The following PRKN variants were observed in gnomAD, a reference collection of about 807,000 sequenced individuals.
PRKN encodes parkin RBR E3 ubiquitin protein ligase.
In PRKN, 56 loss-of-function variants were observed where a neutral mutation model predicts 59.5. That is an observed-to-expected ratio of 0.94 (90% CI 0.76 to 1.18). The LOEUF (loss-of-function observed/expected upper bound fraction) is 1.18. Among genes scored for constraint, PRKN ranks in the 50% most tolerant of loss-of-function variants. PRKN has a pLI of 0.00. For synonymous variants in PRKN, 250 were observed against 222.1 expected (o/e 1.13, Z -1.12); for missense variants, 657 against 596.4 (o/e 1.10, Z -1.06).
At chr6:161,911,477 ACTC>A (rs1778358653) in intron 6 of PRKN, among the ~76,000 whole-genome samples, 1 of 151,896 alleles carries the variant, frequency 6.6e-6, no homozygotes, top group Admixed American at 6.6e-5. Flanking sequence ...TTCTATCAGA[ACTC>A]CTGCAACTCG....
chr6:162,102,879 T>C (rs1780033312), intron 4 of PRKN, among the ~76,000 whole-genome samples: 1 of 151,478 alleles, frequency 6.6e-6, no homozygotes, highest in Non-Finnish European at 1.5e-5. Context: ...CCGTCTCTAC[T>C]GAAAATACAA....
intron 3 of PRKN, among the ~76,000 whole-genome samples, chr6:162,219,499 TG>T (rs1777842028): frequency 6.6e-6 from 1 of 152,102 alleles, no homozygotes; most frequent in South Asian, 2.1e-4. Flanking sequence ...CTGCCAGAGA[TG>T]ATTTTTATTC....
intron 7 of PRKN, among the ~76,000 whole-genome samples, chr6:161,631,317 G>C (rs1783300518): frequency 6.6e-6 from 1 of 152,212 alleles, no homozygotes; most frequent in African/African-American, 2.4e-5. Context: ...CAAAGCACTA[G>C]AGTACCAATA....
chr6:162,242,363 C>T (rs1480579006), intron 3 of PRKN, among the ~76,000 whole-genome samples: 1 of 152,124 alleles, frequency 6.6e-6, no homozygotes, highest in Admixed American at 6.6e-5. Context: ...AGGCCAGAAA[C>T]TGAGAAAGTT....
chr6:161,741,982 ATTTT>A, intron 7 of PRKN, among the ~76,000 whole-genome samples: 1 of 131,102 alleles, frequency 7.6e-6, no homozygotes, highest in South Asian at 2.3e-4. Context: ...TTATTTATTT[ATTTT>A]GAGACGGAGT....
chr6:161,850,202 A>G (rs1793369118), intron 6 of PRKN, among the ~76,000 whole-genome samples: 1 of 152,176 alleles, frequency 6.6e-6, no homozygotes. Flanking sequence ...AATATCTGCT[A>G]AGAAAAATAA....
chr6:161,902,550 T>TATCTATC (rs1554245408), intron 6 of PRKN, among the ~76,000 whole-genome samples: 70 of 101,372 alleles, frequency 6.9e-4, no homozygotes, highest in African/African-American at 1.4e-3. Context: ...ATCTATCTAT[T>TATCTATC]TATTTATTTA....
chr6:162,261,867 T>C (rs915392910), intron 3 of PRKN, among the ~76,000 whole-genome samples: 8 of 152,198 alleles, frequency 5.3e-5, no homozygotes, highest in African/African-American at 1.7e-4. Context: ...TTTCTTATTA[T>C]GTTAGGCTTC....
chr6:162,717,717 C>T (rs1365620535), intron 1 of PRKN, among the ~76,000 whole-genome samples: 2 of 152,110 alleles, frequency 1.3e-5, no homozygotes, highest in African/African-American at 4.8e-5. Flanking sequence ...TGGCCATGCC[C>T]CGATAGTGTA....
chr6:161,719,428 A>C (rs1021241154), intron 7 of PRKN, among the ~76,000 whole-genome samples: 3 of 152,132 alleles, frequency 2.0e-5, no homozygotes, highest in Non-Finnish European at 4.4e-5. Context: ...TGGGGCTTGC[A>C]GTCTCTATAG....
chr6:161,721,674 G>A lies in PRKN; in HGVS notation c.871+64098C>T, dbSNP rs138786299. 1.3e-3 allele frequency among the ~76,000 whole-genome samples: 202 copies of A among 152,200 alleles called. 1 individual carries two copies. In the South Asian group the frequency reaches 0.019, roughly 14 times the overall value. The stretch of plus-strand genomic sequence containing the variant: ...CTTTGGTGGGCTCTGGGTCCCCCCC[G>A]TGCTGGGGCTGCGTGGATGGCCCGT... On this transcript the variant is annotated intron_variant, in intron 7 of 11. Transcript: ENST00000366898.
intron 7 of PRKN, among the ~76,000 whole-genome samples, chr6:161,622,290 C>T (rs1341340256): frequency 2.0e-5 from 3 of 152,172 alleles, no homozygotes; most frequent in Non-Finnish European, 2.9e-5. Context: ...AAGATCTGGC[C>T]GCCATTCCCA....
At chr6:161,476,133 G>A (rs1791064911) in intron 9 of PRKN, among the ~76,000 whole-genome samples, 1 of 151,442 alleles carries the variant, frequency 6.6e-6, no homozygotes, top group Admixed American at 6.6e-5. Context: ...CTTGCAGTGA[G>A]CCGAGATCGC....
chr6:162,285,822 T>G (rs937362092), intron 2 of PRKN, among the ~76,000 whole-genome samples: 1 of 152,168 alleles, frequency 6.6e-6, no homozygotes, highest in Non-Finnish European at 1.5e-5. Flanking sequence ...TGTGTGCCAC[T>G]TTGAAGCCAA....
chr6:162,180,632 A>G (rs937528909), intron 4 of PRKN, among the ~76,000 whole-genome samples: 2 of 152,152 alleles, frequency 1.3e-5, no homozygotes, highest in African/African-American at 2.4e-5. Flanking sequence ...CTCCTTTTTC[A>G]TATTTCTCCC....
intron 1 of PRKN, among the ~76,000 whole-genome samples, chr6:162,690,066 GAT>G (rs1777717351): frequency 6.6e-6 from 1 of 152,138 alleles, no homozygotes; most frequent in Non-Finnish European, 1.5e-5. Context: ...TTTTCTTGAA[GAT>G]ATATTGTTAT....
chr6:162,490,749 A>C (rs1792771198), intron 1 of PRKN, among the ~76,000 whole-genome samples: 1 of 152,200 alleles, frequency 6.6e-6, no homozygotes, highest in Admixed American at 6.5e-5. Flanking sequence ...CAATGCCTAC[A>C]AAGTTTAAAT....
At chr6:161,524,512 A>AT (rs1296936347) in intron 9 of PRKN, among the ~76,000 whole-genome samples, 2 of 151,836 alleles carry the variant, frequency 1.3e-5, no homozygotes, top group African/African-American at 2.4e-5. Context: ...TGCTCAGCTA[A>AT]TTTTTTTTAG....
At chr6:161,580,156 C>T (rs1781280487) in intron 7 of PRKN, among the ~76,000 whole-genome samples, 1 of 152,218 alleles carries the variant, frequency 6.6e-6, no homozygotes, top group Non-Finnish European at 1.5e-5. Context: ...GTTAATTACA[C>T]TATGGTTTGA....
Sources: gnomAD v4.1 joint callset for allele counts (sites outside exome capture counted in the v4.1 genomes callset) on GRCh38, gnomAD v4.1.1 for gene constraint, MANE v1.5 for transcripts, NCBI Gene and HGNC (gene_info 2026-07-23, HGNC 2026-07-21) for gene names.